AFF2: variants seen among roughly 807,000 people sequenced by gnomAD.
AFF2 encodes AF4/FMR2 family member 2.
AFF2 carries 14 observed loss-of-function variants against 76.9 expected under a neutral mutation model. That is an observed-to-expected ratio of 0.18 (90% CI 0.12 to 0.28). The LOEUF is 0.28. AFF2 is among the 10% of genes least tolerant of loss of function. The pLI is 1.00. For missense variants in AFF2, 868 were observed against 1,001.1 expected, an observed-to-expected ratio of 0.87 and a Z score of 1.79; for synonymous variants, 398 against 366.7, an observed-to-expected ratio of 1.09 and a Z score of -0.98.
chrX:148,622,007 A>G (rs782219919), intron 1 of AFF2, among the ~76,000 whole-genome samples: 6 of 112,391 alleles, frequency 5.3e-5, no homozygotes, highest in Non-Finnish European at 1.1e-4. Flanking sequence ...AACATTGTCA[A>G]TTGTTTACTT....
At chrX:148,911,654 G>A (rs1350590602) in intron 9 of AFF2, among the ~76,000 whole-genome samples, 3 of 112,219 alleles carry the variant, frequency 2.7e-5, no homozygotes, top group Admixed American at 9.4e-5. Context: ...TTGTCTGGCA[G>A]GGCAAATGTT....
Position 148,955,752 on chromosome X carries a change from G to A in AFF2, c.1707G>A (p.Gln569=), listed in dbSNP as rs1557287160. ...CAATCATCCAACCAATGGAAGTCCA[G>A]ATGAAAGTGAAGACGAATGCCAGTC... ...PPPIIQPMEV[Q]MKVKTNASQV... Residue 569 remains glutamine (Q), a synonymous_variant, in exon 11 of 21, where the codon CAG becomes CAA. Coordinates refer to ENST00000370460, the MANE Select transcript of AFF2 (RefSeq NM_002025.4). 1 of 1,211,847 alleles carries A rather than the reference G, an allele frequency of 8.3e-7. No individual in the cohort carries two copies. Among genetic ancestry groups the A allele is most frequent in the Non-Finnish European group, 1.1e-6 (1 of 895,598 alleles).
chrX:148,767,998 C>T (rs1262261573), intron 3 of AFF2, among the ~76,000 whole-genome samples: 3 of 108,488 alleles, frequency 2.8e-5, no homozygotes, highest in Admixed American at 1.0e-4. Context: ...TATGGCCATC[C>T]GCCCTGGGAG....
At chrX:148,683,485 C>T (rs2054570238) in intron 3 of AFF2, among the ~76,000 whole-genome samples, 1 of 111,779 alleles carries the variant, frequency 8.9e-6, no homozygotes, top group South Asian at 3.7e-4. Flanking sequence ...TGGAGTTGTC[C>T]ATGTGGATGT....
intron 9 of AFF2, among the ~76,000 whole-genome samples, chrX:148,909,318 T>A (rs1227546920): frequency 1.8e-5 from 2 of 111,467 alleles, no homozygotes; most frequent in Non-Finnish European, 3.8e-5. Flanking sequence ...GTAGATGGAT[T>A]TATTGCAAAG....
chrX:148,630,592 G>C (rs781985570), intron 1 of AFF2, among the ~76,000 whole-genome samples: 133 of 111,272 alleles, frequency 1.2e-3, no homozygotes, highest in Non-Finnish European at 2.0e-3. Context: ...TTTCTTTTGG[G>C]CACTTCCCTC....
At chrX:148,914,405 T>C (rs2071504548) in intron 9 of AFF2, among the ~76,000 whole-genome samples, 1 of 111,787 alleles carries the variant, frequency 8.9e-6, no homozygotes, top group South Asian at 3.8e-4. Flanking sequence ...CACTGCCAAA[T>C]ATTAATACTT....
chrX:148,693,384 T>A (rs1460814742), intron 3 of AFF2, among the ~76,000 whole-genome samples: 1 of 111,709 alleles, frequency 9.0e-6, no homozygotes, highest in Non-Finnish European at 1.9e-5. Flanking sequence ...GATGAAAGAA[T>A]TAGTGTTTCT....
Position 148,991,496 on chromosome X carries a change from C to A in AFF2, c.*164C>A. 1 of 596,503 alleles carries A rather than the reference C, an allele frequency of 1.7e-6. No homozygotes were observed. Among genetic ancestry groups the A allele is most frequent in the Non-Finnish European group, 2.4e-6 (1 of 416,629 alleles). 49.2% of individuals were successfully genotyped at this position (596,503 alleles called of 1,213,427 possible). A position where few individuals can be genotyped will look rare whatever the true frequency, so the allele number is the denominator to read the frequency against. On this transcript the variant is annotated 3_prime_UTR_variant, in exon 21 of 21. Transcript: ENST00000370460. ...AAAAACAGAAGTCATTGTAAGTTGA[C>A]ACTACAACTTAAGGGCAGTGTACGT...
intron 1 of AFF2, among the ~76,000 whole-genome samples, chrX:148,563,571 G>A (rs2053137597): frequency 9.0e-6 from 1 of 111,707 alleles, no homozygotes; most frequent in Non-Finnish European, 1.9e-5. Flanking sequence ...TTTTTGTGTT[G>A]AGCGGCCAAG....
At chrX:148,829,056 A>G (rs2070421708) in intron 4 of AFF2, among the ~76,000 whole-genome samples, 1 of 112,612 alleles carries the variant, frequency 8.9e-6, no homozygotes, top group South Asian at 3.7e-4. Context: ...GAATATTTCC[A>G]GATTCCCTTA....
At chrX:148,648,561 C>CAAAAAAAAAAAAAAA (rs1241628949) in intron 1 of AFF2, among the ~76,000 whole-genome samples, 2 of 23,053 alleles carry the variant, frequency 8.7e-5, no homozygotes, top group Non-Finnish European at 1.7e-4. Flanking sequence ...AAAACTCCGT[C>CAAAAAAAAAAAAAAA]AAAAAAAAAA....
intron 1 of AFF2, among the ~76,000 whole-genome samples, chrX:148,577,846 T>G (rs57766102): frequency 9.0e-5 from 10 of 111,611 alleles, no homozygotes; most frequent in African/African-American, 3.2e-4. Flanking sequence ...GGTATTACTG[T>G]GTCTCACTTG....
At chrX:148,608,998 C>T (rs1038149724) in intron 1 of AFF2, among the ~76,000 whole-genome samples, 22 of 111,395 alleles carry the variant, frequency 2.0e-4, no homozygotes, top group Non-Finnish European at 3.8e-4. Context: ...GTACTAGGAA[C>T]TAGGATATTG....
At chrX:148,656,803 G>A (rs1257994733) in intron 2 of AFF2, among the ~76,000 whole-genome samples, 4 of 111,592 alleles carry the variant, frequency 3.6e-5, no homozygotes, top group African/African-American at 9.8e-5. Flanking sequence ...CCCGGCCGAG[G>A]AATTTTAACT....
chrX:148,515,637 T>C (rs1259275700), intron 1 of AFF2, among the ~76,000 whole-genome samples: 3 of 111,846 alleles, frequency 2.7e-5, no homozygotes, highest in Non-Finnish European at 5.6e-5. Context: ...TAAAAAGAAA[T>C]GTGATCAATT....
At chrX:148,515,325 T>C (rs2052523380) in intron 1 of AFF2, among the ~76,000 whole-genome samples, 1 of 112,284 alleles carries the variant, frequency 8.9e-6, no homozygotes, top group African/African-American at 3.2e-5. Flanking sequence ...TGCATTTAAA[T>C]TGTAGAATTA....
At chrX:148,938,538 A>G (rs1182831199) in intron 9 of AFF2, among the ~76,000 whole-genome samples, 1 of 112,430 alleles carries the variant, frequency 8.9e-6, no homozygotes, top group Non-Finnish European at 1.9e-5. Flanking sequence ...CCATCGTATT[A>G]AAGGAAAGTA....
At chrX:148,815,502 A>G (rs2070253667) in intron 4 of AFF2, among the ~76,000 whole-genome samples, 1 of 111,765 alleles carries the variant, frequency 8.9e-6, no homozygotes, top group Admixed American at 9.5e-5. Flanking sequence ...CTCAAACACA[A>G]ACCAACCCAG....
Sources: allele counts gnomAD v4.1 joint callset (sites outside exome capture counted in the v4.1 genomes callset), GRCh38; gene constraint gnomAD v4.1.1; transcripts MANE v1.5; gene names NCBI Gene and HGNC (gene_info 2026-07-23, HGNC 2026-07-21).